The following ABAT variants were observed in gnomAD, a reference collection of about 807,000 sequenced individuals.
ABAT encodes 4-aminobutyrate aminotransferase, mitochondrial.
ABAT carries 45 observed loss-of-function variants against 64.6 expected under a neutral mutation model. That is an observed-to-expected ratio of 0.70 (90% CI 0.55 to 0.89). The LOEUF (loss-of-function observed/expected upper bound fraction) is 0.89. Ranked by LOEUF, ABAT falls within the 40% of genes least tolerant of loss-of-function variation. The pLI, the probability that ABAT is intolerant of heterozygous loss-of-function variation, is 0.00. For missense variants in ABAT, 633 were observed against 658.4 expected (o/e 0.96, Z 0.42); for synonymous variants, 297 against 250.5 (o/e 1.19, Z -1.75).
At chr16:8,753,092 CTT>C (rs768032745) in intron 5 of ABAT, among the ~76,000 whole-genome samples, 40 of 127,482 alleles carry the variant, frequency 3.1e-4, no homozygotes, top group East Asian at 1.7e-3. Flanking sequence ...CAAGCTTATT[CTT>C]TTTTTTTTTT....
At chr16:8,698,743 A>C (rs2057757493) in intron 1 of ABAT, among the ~76,000 whole-genome samples, 1 of 152,102 alleles carries the variant, frequency 6.6e-6, no homozygotes, top group African/African-American at 2.4e-5. Flanking sequence ...TCAGGAGTTC[A>C]AGACCAGCCT....
intron 5 of ABAT, among the ~76,000 whole-genome samples, chr16:8,752,722 A>C (rs2059524472): frequency 6.6e-6 from 1 of 151,944 alleles, no homozygotes; most frequent in African/African-American, 2.4e-5. Context: ...GGCTATGATC[A>C]CTCCACTGCA....
chr16:8,704,346 A>G (rs2057893088), intron 1 of ABAT, among the ~76,000 whole-genome samples: 1 of 152,232 alleles, frequency 6.6e-6, no homozygotes, highest in Non-Finnish European at 1.5e-5. Context: ...TTGTTTTCCT[A>G]TAATTAAATA....
At chr16:8,700,053 T>C (rs1331113779) in intron 1 of ABAT, among the ~76,000 whole-genome samples, 1 of 152,226 alleles carries the variant, frequency 6.6e-6, no homozygotes, top group East Asian at 1.9e-4. Context: ...ACTCCTAGGC[T>C]CAAGTGATCC....
intron 1 of ABAT, among the ~76,000 whole-genome samples, chr16:8,701,918 G>C (rs544540942): frequency 6.6e-6 from 1 of 151,392 alleles, no homozygotes; most frequent in Non-Finnish European, 1.5e-5. Flanking sequence ...AGTGTGGCTG[G>C]AGCAGAGCAG....
At chr16:8,683,926 G>T (rs566822434) in intron 1 of ABAT, among the ~76,000 whole-genome samples, 98 of 149,454 alleles carry the variant, frequency 6.6e-4, no homozygotes, top group Non-Finnish European at 1.1e-3. Context: ...AGTAGTAGGG[G>T]TGTGTGCGTG....
At chr16:8,707,293 C>T (rs1295097997) in intron 1 of ABAT, among the ~76,000 whole-genome samples, 1 of 151,814 alleles carries the variant, frequency 6.6e-6, no homozygotes, top group African/African-American at 2.4e-5. Flanking sequence ...CTCAAGCCAT[C>T]CTCCCACCTC....
At chr16:8,758,300 A>G (rs560805675) in intron 6 of ABAT, among the ~76,000 whole-genome samples, 3 of 152,102 alleles carry the variant, frequency 2.0e-5, no homozygotes, top group African/African-American at 4.8e-5. Flanking sequence ...GAGCTGAGCT[A>G]TTTGGGGATG....
At chr16:8,711,786 A>ATG (rs1567279834) in intron 1 of ABAT, among the ~76,000 whole-genome samples, 2,579 of 136,672 alleles carry the variant, frequency 0.019, 38 homozygotes, top group African/African-American at 0.048. Flanking sequence ...ATGGATGGGA[A>ATG]GATGGATGGA....
intron 2 of ABAT, among the ~76,000 whole-genome samples, chr16:8,742,008 C>T (rs954375446): frequency 6.6e-6 from 1 of 152,202 alleles, no homozygotes; most frequent in Non-Finnish European, 1.5e-5. Flanking sequence ...CCCCATTCCC[C>T]CCCTTTCTGA....
intron 1 of ABAT, among the ~76,000 whole-genome samples, chr16:8,725,708 T>G (rs921313088): frequency 6.6e-6 from 1 of 152,256 alleles, no homozygotes; most frequent in Non-Finnish European, 1.5e-5. Flanking sequence ...TTCAGTTCTT[T>G]GGGTTGATGC....
intron 1 of ABAT, chr16:8,714,901 G>A (rs2058168988): frequency 6.6e-6 from 1 of 152,560 alleles, no homozygotes; most frequent in African/African-American, 2.4e-5. Flanking sequence ...ATTTCCTCCG[G>A]GCTGCCATCC....
At chr16:8,693,871 AG>A in intron 1 of ABAT, among the ~76,000 whole-genome samples, 1 of 151,496 alleles carries the variant, frequency 6.6e-6, no homozygotes, top group East Asian at 1.9e-4. Flanking sequence ...ATTCACACAC[AG>A]TCATAAGAAA....
At chr16:8,707,026 G>C (rs2057961372) in intron 1 of ABAT, among the ~76,000 whole-genome samples, 1 of 152,120 alleles carries the variant, frequency 6.6e-6, no homozygotes, top group Non-Finnish European at 1.5e-5. Context: ...TCAGAAAAGA[G>C]ATGCAGGCAG....
At chr16:8,744,337 T>C (rs1232234214) in intron 2 of ABAT, among the ~76,000 whole-genome samples, 1 of 151,874 alleles carries the variant, frequency 6.6e-6, no homozygotes, top group East Asian at 1.9e-4. Flanking sequence ...ATGGTAGGAA[T>C]AGGAGCAAGA....
At chr16:8,681,415 A>C (rs1387110685) in intron 1 of ABAT, among the ~76,000 whole-genome samples, 1 of 149,856 alleles carries the variant, frequency 6.7e-6, no homozygotes, top group East Asian at 2.0e-4. Flanking sequence ...GTTCCTGCCT[A>C]TCAGGAACTC....
intron 1 of ABAT, among the ~76,000 whole-genome samples, chr16:8,688,539 C>T (rs1482487193): frequency 6.6e-6 from 1 of 152,120 alleles, no homozygotes; most frequent in African/African-American, 2.4e-5. Context: ...GTAAAACACT[C>T]AAACACTGCA....
chr16:8,746,409 C>T (rs953277611), intron 3 of ABAT, among the ~76,000 whole-genome samples: 3 of 151,796 alleles, frequency 2.0e-5, no homozygotes, highest in African/African-American at 7.3e-5. Flanking sequence ...AAAAATTAGC[C>T]AGGAGTGATG....
chr16:8,723,671 C>G (rs943455490), intron 1 of ABAT, among the ~76,000 whole-genome samples: 4 of 151,678 alleles, frequency 2.6e-5, no homozygotes, highest in Non-Finnish European at 5.9e-5. Flanking sequence ...ATCCCTAATT[C>G]CCAGCGCAAC....
Sources: gnomAD v4.1 joint callset for allele counts (sites outside exome capture counted in the v4.1 genomes callset) on GRCh38, gnomAD v4.1.1 for gene constraint, MANE v1.5 for transcripts, NCBI Gene and HGNC (gene_info 2026-07-23, HGNC 2026-07-21) for gene names.